The following TYW1B variants were observed in gnomAD, a reference collection of about 807,000 sequenced individuals.
The protein encoded by TYW1B is tRNA-yW synthesizing protein 1 homolog B.
A neutral mutation model predicts 86.9 loss-of-function variants in TYW1B; 73 were observed. That is an observed-to-expected ratio of 0.84 (90% confidence interval 0.70 to 1.02). The LOEUF (loss-of-function observed/expected upper bound fraction) is 1.02, where lower values mean the gene tolerates loss of function less well. Among genes scored for constraint, TYW1B ranks in the 50% least tolerant of loss-of-function variants. The probability of loss-of-function intolerance (pLI) is 0.00; values close to 1 mark genes in which losing one functional copy is unlikely to be tolerated. For synonymous variants in TYW1B, 248 were observed against 292.8 expected, an observed-to-expected ratio of 0.85 and a Z score of 1.56; for missense variants, 637 against 827.4, an observed-to-expected ratio of 0.77 and a Z score of 2.82.
At chr7:72,781,475 G>C (rs1788048123) in intron 6 of TYW1B, among the ~76,000 whole-genome samples, 1 of 152,200 alleles carries the variant, frequency 6.6e-6, no homozygotes, top group African/African-American at 2.4e-5. Flanking sequence ...CTCCAGCTCA[G>C]GGAGACAGAT....
chr7:72,639,347 T>C (rs1316879418), intron 11 of TYW1B, among the ~76,000 whole-genome samples: 2 of 152,042 alleles, frequency 1.3e-5, no homozygotes, highest in East Asian at 3.9e-4. Context: ...TTTTACTTTT[T>C]GTAGAGACAG....
intron 6 of TYW1B, among the ~76,000 whole-genome samples, chr7:72,787,980 T>C (rs1788157195): frequency 6.6e-6 from 1 of 151,612 alleles, no homozygotes; most frequent in Admixed American, 6.6e-5. Context: ...CTACTTGTCA[T>C]TCTTTTTTTC....
intron 11 of TYW1B, among the ~76,000 whole-genome samples, chr7:72,654,433 G>A (rs1405530788): frequency 1.3e-5 from 2 of 152,160 alleles, no homozygotes; most frequent in African/African-American, 2.4e-5. Context: ...CAAAGACAAG[G>A]GAAGTCTGAG....
chr7:72,638,080 T>C (rs1296672105), intron 11 of TYW1B, among the ~76,000 whole-genome samples: 1 of 150,634 alleles, frequency 6.6e-6, no homozygotes, highest in African/African-American at 2.4e-5. Flanking sequence ...AAAACTTTTG[T>C]AATGGGGGAA....
intron 12 of TYW1B, among the ~76,000 whole-genome samples, chr7:72,618,852 T>C (rs1371165342): frequency 2.0e-5 from 3 of 151,918 alleles, no homozygotes; most frequent in African/African-American, 7.3e-5. Flanking sequence ...TGTAAGAAAA[T>C]AAACAACTTG....
chr7:72,591,333 T>G (rs1162178251), intron 13 of TYW1B, among the ~76,000 whole-genome samples: 3 of 151,826 alleles, frequency 2.0e-5, no homozygotes, highest in Admixed American at 2.0e-4. Context: ...ATATAAACAT[T>G]GAAGAAGTTC....
At chr7:72,736,576 G>GT (rs1286735093) in intron 8 of TYW1B, among the ~76,000 whole-genome samples, 26 of 152,064 alleles carry the variant, frequency 1.7e-4, no homozygotes, top group Non-Finnish European at 2.9e-5. Context: ...CATTTTAAAC[G>GT]TTTTGTCATT....
intron 11 of TYW1B, among the ~76,000 whole-genome samples, chr7:72,634,256 A>C (rs2844143): frequency 6.6e-6 from 1 of 151,276 alleles, no homozygotes; most frequent in Admixed American, 6.6e-5. Flanking sequence ...ACGGCCCACT[A>C]CAGCCTCAAC....
intron 10 of TYW1B, 94 bp downstream of exon 10, chr7:72,713,527 A>C: frequency 1.6e-6 from 2 of 1,283,284 alleles, no homozygotes; most frequent in Non-Finnish European, 2.1e-6. Flanking sequence ...TAAGTAATCA[A>C]TAAATCCTAT....
chr7:72,817,811 C>T (rs868938310), intron 2 of TYW1B, among the ~76,000 whole-genome samples: 1 of 152,040 alleles, frequency 6.6e-6, no homozygotes, highest in Non-Finnish European at 1.5e-5. Flanking sequence ...CCCCAGGTAC[C>T]CTTTGGAGGC....
intron 6 of TYW1B, among the ~76,000 whole-genome samples, chr7:72,800,369 T>C (rs1275004001): frequency 2.6e-5 from 4 of 152,122 alleles, no homozygotes; most frequent in African/African-American, 9.6e-5. Context: ...AGCTAAATTT[T>C]TTTATTTCTT....
chr7:72,615,402 C>T (rs1455767413), intron 13 of TYW1B, among the ~76,000 whole-genome samples: 2 of 152,182 alleles, frequency 1.3e-5, no homozygotes, highest in Non-Finnish European at 2.9e-5. Context: ...GTTTCTTCAC[C>T]GTTCAGACCT....
chr7:72,641,805 C>T (rs1812806112), intron 11 of TYW1B, among the ~76,000 whole-genome samples: 1 of 152,256 alleles, frequency 6.6e-6, no homozygotes, highest in African/African-American at 2.4e-5. Context: ...TTTTATGTTA[C>T]GTGAATGCTA....
chr7:72,587,474 G>A (rs1440013668), intron 13 of TYW1B, among the ~76,000 whole-genome samples: 8 of 152,166 alleles, frequency 5.3e-5, no homozygotes, highest in African/African-American at 1.9e-4. Context: ...AGCCAGGAGT[G>A]CTGATTGGTC....
intron 13 of TYW1B, among the ~76,000 whole-genome samples, chr7:72,603,503 C>T (rs1811725053): frequency 1.3e-5 from 2 of 152,208 alleles, no homozygotes; most frequent in South Asian, 4.1e-4. Flanking sequence ...AAATAACTTA[C>T]ATAGATACTC....
intron 6 of TYW1B, among the ~76,000 whole-genome samples, chr7:72,799,382 C>T (rs1163825227): frequency 2.0e-5 from 3 of 151,596 alleles, no homozygotes; most frequent in South Asian, 2.1e-4. Flanking sequence ...AGGCTGGTCT[C>T]GAGCTCCTGA....
chr7:72,590,538 AT>A (rs1366545183), intron 13 of TYW1B, among the ~76,000 whole-genome samples: 1 of 152,220 alleles, frequency 6.6e-6, no homozygotes, highest in African/African-American at 2.4e-5. Context: ...ACATTAAAAA[AT>A]AAACATATTT....
In TYW1B at chr7:72,807,109, T is replaced by C. The variant is rs1458414756; in HGVS notation, c.680A>G (p.Glu227Gly). The part of the protein sequence containing the change: ...SHQHGSEERE[E>G]GSQEQDELHH... ...CAATTCGTCCTGCTCTTGAGATCCT[T>C]CCTCCCTCTCCTCTGAGCCATGTTG... Residue 227 changes from glutamate (E) to glycine (G), a missense_variant, in exon 5 of 14, where the codon GAA becomes GGA. Transcript: ENST00000620995. 6.2e-7 allele frequency: 1 copy of C among 1,614,010 alleles called. No homozygotes were observed. Among genetic ancestry groups the C allele is most frequent in the African/African-American group, 1.3e-5 (1 of 74,910 alleles).
intron 11 of TYW1B, among the ~76,000 whole-genome samples, chr7:72,648,005 T>G (rs1812969932): frequency 6.6e-6 from 1 of 152,074 alleles, no homozygotes; most frequent in South Asian, 2.1e-4. Flanking sequence ...AATTTTTATG[T>G]TACAATGATG....
Sources: gnomAD v4.1 joint callset for allele counts (sites outside exome capture counted in the v4.1 genomes callset) on GRCh38, gnomAD v4.1.1 for gene constraint, MANE v1.5 for transcripts, NCBI Gene and HGNC (gene_info 2026-07-23, HGNC 2026-07-21) for gene names.